The following SYTL2 variants were observed in gnomAD, a reference collection of about 807,000 sequenced individuals.
SYTL2 encodes synaptotagmin-like protein 2.
Under a neutral mutation model 198.7 loss-of-function variants are expected in SYTL2, and 165 were observed. The observed-to-expected ratio is 0.83, with a 90% confidence interval of 0.73 to 0.94. SYTL2 has a LOEUF of 0.94. SYTL2 is among the 40% of genes least tolerant of loss of function. SYTL2 has a pLI of 0.00. For missense variants in SYTL2, 2,835 were observed against 2,582.8 expected (o/e 1.10, Z -2.12); for synonymous variants, 966 against 917.7 (o/e 1.05, Z -0.95).
intron 16 of SYTL2, among the ~76,000 whole-genome samples, chr11:85,702,152 C>T (rs184795560): frequency 1.5e-4 from 22 of 151,264 alleles, no homozygotes; most frequent in Non-Finnish European, 2.7e-4. Flanking sequence ...TTCTTGGGCC[C>T]GTAAACCTTG....
At chr11:85,743,996 T>C (rs1011592886) in intron 4 of SYTL2, among the ~76,000 whole-genome samples, 11 of 152,144 alleles carry the variant, frequency 7.2e-5, no homozygotes, top group African/African-American at 2.7e-4. Context: ...ATAACTATGT[T>C]CTCTCTCTTT....
At chr11:85,753,448 C>T (rs984969244) in intron 2 of SYTL2, among the ~76,000 whole-genome samples, 2 of 151,996 alleles carry the variant, frequency 1.3e-5, no homozygotes, top group South Asian at 2.1e-4. Context: ...GATCTGGAAC[C>T]GTTATTGTCT....
chr11:85,716,007 G>C (rs906324506), intron 11 of SYTL2, among the ~76,000 whole-genome samples: 1 of 152,230 alleles, frequency 6.6e-6, no homozygotes, highest in Non-Finnish European at 1.5e-5. Flanking sequence ...CTTTACCAGT[G>C]AAAAGGCACT....
In SYTL2 at chr11:85,736,488, A is replaced by G. The variant is rs763771695; in HGVS notation, c.586+13T>C. 1 of 1,383,718 alleles carries G rather than the reference A, an allele frequency of 7.2e-7. No homozygotes were observed. The highest frequency in any genetic ancestry group is 1.0e-6 in the Non-Finnish European group (1 of 989,212). The allele number at this position is 1,383,718 out of a possible 1,614,324, so 85.7% of individuals were successfully genotyped here. On this transcript the variant is annotated intron_variant, in intron 6 of 19. Transcript: ENST00000359152. ...AAAGATAAAAAAATCAAGTTCATAAAAATAATATTTACCCTCTTTTGAAGT... is the reference window on the plus strand; with the variant it reads ...AAAGATAAAAAAATCAAGTTCATAAGAATAATATTTACCCTCTTTTGAAGT...
chr11:85,725,516 G>A lies in SYTL2; in HGVS notation c.3842C>T (p.Ala1281Val), dbSNP rs1424186506. The stretch of plus-strand genomic sequence containing the variant: ...ACCACTTTCAGCTTTCTTGAGGAGA[G>A]CTGTATTTCCAAAAGTTTCATCTCT... ...PVRDETFGNT[A>V]LLKKAESGEC... Residue 1281 changes from alanine (A) to valine (V), a missense_variant, in exon 8 of 20, where the codon GCT becomes GTT. Around this residue, in one of 3 missense-constraint regions of SYTL2, gnomAD observed 2,645 missense variants for 2,381.7 expected, o/e 1.11. Transcript: ENST00000359152. The A allele has an allele frequency of 6.2e-7, 1 of 1,613,928 alleles. No homozygotes were observed. Among genetic ancestry groups the A allele is most frequent in the African/African-American group, 1.3e-5 (1 of 74,924 alleles).
chr11:85,824,138 C>G, the SYTL2 span, among the ~76,000 whole-genome samples: 3 of 152,232 alleles, frequency 2.0e-5, no homozygotes, highest in South Asian at 2.1e-4. Context: ...GTGGTTAAAA[C>G]AGTCTAATAA....
At chr11:85,773,551 CT>C (rs1019458898) in intron 1 of SYTL2, among the ~76,000 whole-genome samples, 3 of 152,068 alleles carry the variant, frequency 2.0e-5, no homozygotes, top group African/African-American at 7.2e-5. Flanking sequence ...TATATAGCAA[CT>C]GTCTGTTTCC....
Position 85,707,505 on chromosome 11 carries a change from T to C in SYTL2, c.5942A>G (p.Asp1981Gly), listed in dbSNP as rs1346304256. The C allele has an allele frequency of 6.2e-7, 1 of 1,613,662 alleles. No homozygotes were observed. The highest frequency in any genetic ancestry group is 8.5e-7 in the Non-Finnish European group (1 of 1,179,778). Residue 1981 changes from aspartate to glycine, a missense_variant, in exon 15 of 20, where the codon GAC (aspartate) becomes GGC (glycine). Coordinates refer to ENST00000359152, the MANE Select transcript of SYTL2 (RefSeq NM_206927.4). ...TTTCTTCTTGCCCATTTTGCCTTTG[T>C]CTGGTAGCAAATAGGCCTTTACATA... is the stretch of plus-strand genomic sequence containing the variant. ...DPYVKAYLLPDKGKMGKKKTL... is the reference protein window; with the variant it reads ...DPYVKAYLLPGKGKMGKKKTL...
chr11:85,840,376 T>A, the SYTL2 span, among the ~76,000 whole-genome samples: 1 of 152,346 alleles, frequency 6.6e-6, no homozygotes, highest in East Asian at 1.9e-4. Context: ...TCCAATGTTC[T>A]GGAGATTTTC....
chr11:85,778,855 G>A (rs530874421), intron 1 of SYTL2, among the ~76,000 whole-genome samples: 4 of 152,116 alleles, frequency 2.6e-5, no homozygotes, highest in East Asian at 1.9e-4. Context: ...TGCATGCCAA[G>A]TAGTCCCAGC....
At chr11:85,813,557 G>A (rs1022310939), upstream of SYTL2, among the ~76,000 whole-genome samples, 1 of 152,204 alleles carries the variant, frequency 6.6e-6, no homozygotes, top group Non-Finnish European at 1.5e-5. Flanking sequence ...GAAGGCAAGA[G>A]GGTAGGGATA....
intron 1 of SYTL2, among the ~76,000 whole-genome samples, chr11:85,761,951 A>AC (rs1178355124): frequency 1.3e-5 from 2 of 152,098 alleles, no homozygotes; most frequent in Admixed American, 1.3e-4. Context: ...GAGCCACCAC[A>AC]CCCAGCCCAA....
chr11:85,827,628 C>T, the SYTL2 span, among the ~76,000 whole-genome samples: 3 of 152,232 alleles, frequency 2.0e-5, no homozygotes, highest in Middle Eastern at 3.4e-3. Context: ...CAGCACAGTG[C>T]CTTATAAATA....
chr11:85,804,269 C>T (rs1205637516), intron 1 of SYTL2, among the ~76,000 whole-genome samples: 3 of 152,168 alleles, frequency 2.0e-5, no homozygotes, highest in Non-Finnish European at 4.4e-5. Flanking sequence ...AAAACACTAT[C>T]GCAAGCTATG....
rs552454550 is a variant in SYTL2, at chr11:85,728,198, G to A, written c.1391-231C>T. ...GAAATGTAGAGACCTGGAAGTACATGGTATAGACCTAACCGAAAAATTTCT... is the reference window on the plus strand; with the variant it reads ...GAAATGTAGAGACCTGGAAGTACATAGTATAGACCTAACCGAAAAATTTCT... On this transcript the variant is annotated intron_variant, in intron 7 of 19. Coordinates refer to ENST00000359152, the MANE Select transcript of SYTL2 (RefSeq NM_206927.4). 8.1e-4 allele frequency among the ~76,000 whole-genome samples: 123 copies of A among 152,110 alleles called. 1 individual carries two copies. The highest frequency in any genetic ancestry group is 1.5e-3 in the Non-Finnish European group (100 of 68,010).
chr11:85,712,737 A>G (rs2086530936), intron 12 of SYTL2, among the ~76,000 whole-genome samples: 1 of 151,370 alleles, frequency 6.6e-6, no homozygotes, highest in South Asian at 2.1e-4. Context: ...TTTTTTTTCA[A>G]TTAGAGTCTC....
chr11:85,735,960 C>A (rs478089), intron 6 of SYTL2, among the ~76,000 whole-genome samples: 101,527 of 152,002 alleles, frequency 0.67, 34,391 homozygotes, highest in African/African-American at 0.78. Context: ...CTTCAAGTTG[C>A]TTTTGAAGAG....
chr11:85,805,146 ACCCTGAACGTGT>A (rs991019004), intron 1 of SYTL2, among the ~76,000 whole-genome samples: 2 of 152,020 alleles, frequency 1.3e-5, no homozygotes, highest in African/African-American at 4.8e-5. Flanking sequence ...CAGGATGAAA[ACCCTGAACGTGT>A]CCCAAAATGG....
In SYTL2 at chr11:85,727,062, TC is replaced by T; in HGVS notation, c.2295del (p.Trp765Ter). 2.0e-6 allele frequency: 3 copies of T among 1,536,250 alleles called. No individual in the cohort carries two copies. The highest frequency in any genetic ancestry group is 2.6e-6 in the Non-Finnish European group (3 of 1,146,914). ...TPGVANNGSP[W>X]KKPEVQFQQE... Reference sequence around the variant, plus strand: ...TGCTGGAATTGGACCTCAGGCTTCTTCCAAGGAGAGCCATTGTTGGCAACCC... The same window carrying T: ...TGCTGGAATTGGACCTCAGGCTTCTTCAAGGAGAGCCATTGTTGGCAACCC... On this transcript the variant is annotated frameshift_variant, in exon 8 of 20. Transcript: ENST00000359152. LOFTEE classifies it high-confidence loss of function.
Sources: allele counts gnomAD v4.1 joint callset (sites outside exome capture counted in the v4.1 genomes callset), GRCh38; gene constraint gnomAD v4.1.1; regional missense constraint gnomAD v4.1.1; transcripts MANE v1.5; gene names NCBI Gene and HGNC (gene_info 2026-07-23, HGNC 2026-07-21).